ENOX1: variants seen among roughly 807,000 people sequenced by gnomAD.
ENOX1 encodes the protein candidate growth-related and time keeping constitutive hydroquinone (NADH) oxidase.
In ENOX1, 42 loss-of-function variants were observed where a neutral mutation model predicts 82.5. That is an observed-to-expected ratio of 0.51 (90% CI 0.40 to 0.66). ENOX1 has a LOEUF of 0.66. Among genes scored for constraint, ENOX1 ranks in the 30% least tolerant of loss-of-function variants. The pLI is 0.00. For missense variants in ENOX1, 608 were observed against 811.6 expected (o/e 0.75, Z 3.05); for synonymous variants, 271 against 282.2 (o/e 0.96, Z 0.40).
chr13:43,294,562 G>T (rs961247373), intron 12 of ENOX1, among the ~76,000 whole-genome samples: 1 of 152,160 alleles, frequency 6.6e-6, no homozygotes, highest in Non-Finnish European at 1.5e-5. Flanking sequence ...CTTGGGAAAA[G>T]AGTTTGGCGG....
In ENOX1 at chr13:43,780,503, C is replaced by T. The variant is rs1344691146; in HGVS notation, c.-285+6149G>A. Among the ~76,000 whole-genome samples, 6 of 152,164 alleles carry T rather than the reference C, an allele frequency of 3.9e-5. No individual in the cohort carries two copies. The East Asian group carries it at 7.7e-4, about 20-fold the overall frequency. ...TGCTGATACACAGATGTGAATAAAA[C>T]CCTACAAAGGAGATAAACACCTGGG... On this transcript the variant is annotated intron_variant, in intron 1 of 16. Transcript: ENST00000690772.
intron 2 of ENOX1, among the ~76,000 whole-genome samples, chr13:43,517,414 C>G (rs963653156): frequency 2.0e-4 from 31 of 152,256 alleles, no homozygotes; most frequent in African/African-American, 7.5e-4. Context: ...AGAAGAATCA[C>G]TTGAACCTAG....
Position 43,581,194 on chromosome 13 carries a change from G to A in ENOX1, c.-219+86285C>T, listed in dbSNP as rs1016472398. Among the ~76,000 whole-genome samples, 6 of 139,058 alleles carry A rather than the reference G, an allele frequency of 4.3e-5. No individual in the cohort carries two copies. In the East Asian group the frequency reaches 1.1e-3, roughly 24 times the overall value. The allele number at this position is 139,058 out of a possible 152,430, so 91.2% of individuals were successfully genotyped here. ...GTCGCCCAGGCTGGAGTGCAGTGGC[G>A]GGATCTCGGCTCACTGCAAGCTCCG... On this transcript the variant is annotated intron_variant, in intron 2 of 16. Transcript: ENST00000690772.
At chr13:43,462,913 T>TA (rs1373956244) in intron 3 of ENOX1, among the ~76,000 whole-genome samples, 4 of 152,198 alleles carry the variant, frequency 2.6e-5, no homozygotes, top group African/African-American at 9.7e-5. Flanking sequence ...GAGTCATAGC[T>TA]AGAGCAAAAT....
At chr13:43,285,747 C>T (rs1039589759) in intron 12 of ENOX1, among the ~76,000 whole-genome samples, 2 of 143,022 alleles carry the variant, frequency 1.4e-5, no homozygotes, top group South Asian at 2.2e-4. Flanking sequence ...TAGGCAGAGG[C>T]TGCACTGAGC....
intron 2 of ENOX1, among the ~76,000 whole-genome samples, chr13:43,507,028 G>C (rs1187879729): frequency 2.0e-5 from 3 of 151,450 alleles, no homozygotes; most frequent in African/African-American, 7.3e-5. Context: ...TGACAGAATA[G>C]AACTTTTAAA....
intron 9 of ENOX1, among the ~76,000 whole-genome samples, chr13:43,342,449 G>A (rs923288699): frequency 3.9e-5 from 6 of 152,160 alleles, no homozygotes; most frequent in Admixed American, 3.9e-4. Context: ...CAGGTTTGAA[G>A]ATTAAAAGCA....
chr13:43,685,267 T>G (rs1315838280), intron 1 of ENOX1, among the ~76,000 whole-genome samples: 2 of 152,198 alleles, frequency 1.3e-5, no homozygotes, highest in African/African-American at 4.8e-5. Flanking sequence ...GCAATCTGCA[T>G]CTTGCATAGT....
chr13:43,638,600 A>T (rs895635196), intron 2 of ENOX1, among the ~76,000 whole-genome samples: 1 of 152,206 alleles, frequency 6.6e-6, no homozygotes, highest in Non-Finnish European at 1.5e-5. Context: ...CTGGATTTTT[A>T]AAATATCCAT....
At chr13:43,422,442 C>T (rs1449810750) in intron 3 of ENOX1, among the ~76,000 whole-genome samples, 1 of 152,168 alleles carries the variant, frequency 6.6e-6, no homozygotes, top group Non-Finnish European at 1.5e-5. Context: ...GAAAAGCAGA[C>T]CCAACCATTT....
intron 2 of ENOX1, among the ~76,000 whole-genome samples, chr13:43,559,918 T>G (rs1004132282): frequency 2.0e-5 from 3 of 152,218 alleles, no homozygotes; most frequent in Admixed American, 2.0e-4. Flanking sequence ...AAGTAAGGTA[T>G]GATTAAACTA....
chr13:43,376,753 G>A (rs1390553453), intron 5 of ENOX1, among the ~76,000 whole-genome samples: 1 of 152,126 alleles, frequency 6.6e-6, no homozygotes, highest in Non-Finnish European at 1.5e-5. Context: ...GTTCCCCTTG[G>A]CCACCATCTG....
intron 14 of ENOX1, among the ~76,000 whole-genome samples, chr13:43,249,221 GTATTT>G (rs1403764830): frequency 2.6e-5 from 4 of 152,066 alleles, no homozygotes; most frequent in Admixed American, 6.5e-5. Context: ...AACTGTTGTA[GTATTT>G]TATTTTTAGT....
At chr13:43,778,426 C>A (rs1385026667) in intron 1 of ENOX1, among the ~76,000 whole-genome samples, 6 of 152,162 alleles carry the variant, frequency 3.9e-5, no homozygotes, top group African/African-American at 7.2e-5. Context: ...GCAACCCCAC[C>A]CCCAGCTACC....
Position 43,359,074 on chromosome 13 carries a change from T to G in ENOX1, c.589+777A>C, listed in dbSNP as rs377049070. 5.5e-5 allele frequency among the ~76,000 whole-genome samples: 8 copies of G among 146,212 alleles called. No homozygotes were observed. The East Asian group carries it at 1.8e-3, about 33-fold the overall frequency. On this transcript the variant is annotated intron_variant, in intron 7 of 16. Transcript: ENST00000690772. ...ATGCTCAGATAGGTCCCCCTGCCCC[T>G]CCCCACCCCCACCCGCTACTGTTTT... is the stretch of plus-strand genomic sequence containing the variant.
At chr13:43,645,379 G>C (rs2083847273) in intron 2 of ENOX1, among the ~76,000 whole-genome samples, 1 of 152,024 alleles carries the variant, frequency 6.6e-6, no homozygotes, top group Admixed American at 6.6e-5. Context: ...GCACAGCCTA[G>C]AATTCTTGGC....
Position 43,384,971 on chromosome 13 carries a change from G to A in ENOX1, c.209-23519C>T, listed in dbSNP as rs531319915. Reference sequence around the variant, plus strand: ...GCTGTTCATTGGTTAGTTTCTCAGAGAAGGATATTGTGTAGAAAGCTCAGG... The same window carrying A: ...GCTGTTCATTGGTTAGTTTCTCAGAAAAGGATATTGTGTAGAAAGCTCAGG... On this transcript the variant is annotated intron_variant, in intron 5 of 16. Transcript: ENST00000690772. Among the ~76,000 whole-genome samples, 30 of 152,252 alleles carry A rather than the reference G, an allele frequency of 2.0e-4. No individual in the cohort carries two copies. In the South Asian group the frequency reaches 6.0e-3, roughly 31 times the overall value.
chr13:43,262,261 C>CTT (rs2044117169), intron 14 of ENOX1, among the ~76,000 whole-genome samples: 1 of 152,160 alleles, frequency 6.6e-6, no homozygotes, highest in Admixed American at 6.5e-5. Flanking sequence ...TTCAAACATA[C>CTT]TTTTGCTTTT....
chr13:43,354,452 A>G (rs1234066168), intron 8 of ENOX1, among the ~76,000 whole-genome samples: 1 of 149,888 alleles, frequency 6.7e-6, no homozygotes, highest in Non-Finnish European at 1.5e-5. Flanking sequence ...TTGGAAGCAC[A>G]GCACCCCCGC....
Sources: gnomAD v4.1 joint callset for allele counts (sites outside exome capture counted in the v4.1 genomes callset) on GRCh38, gnomAD v4.1.1 for gene constraint, MANE v1.5 for transcripts, NCBI Gene and HGNC (gene_info 2026-07-23, HGNC 2026-07-21) for gene names.